The following LRRC8C variants were observed in gnomAD, a reference collection of about 807,000 sequenced individuals.
The protein encoded by LRRC8C is volume-regulated anion channel subunit LRRC8C.
LRRC8C carries 20 observed loss-of-function variants against 55.3 expected under a neutral mutation model. That is an observed-to-expected ratio of 0.36 (90% CI 0.25 to 0.53). The LOEUF (loss-of-function observed/expected upper bound fraction) is 0.53. LRRC8C is among the 20% of genes least tolerant of loss of function. The probability of loss-of-function intolerance (pLI) is 0.92; values close to 1 mark genes in which losing one functional copy is unlikely to be tolerated. For missense variants in LRRC8C, 659 were observed against 951.4 expected, an observed-to-expected ratio of 0.69 and a Z score of 4.04; for synonymous variants, 376 against 360.7, an observed-to-expected ratio of 1.04 and a Z score of -0.48.
At chr1:89,692,201 AT>A (rs1396522442) in intron 2 of LRRC8C, among the ~76,000 whole-genome samples, 1 of 152,182 alleles carries the variant, frequency 6.6e-6, no homozygotes, top group African/African-American at 2.4e-5. Flanking sequence ...GTTAAAATAT[AT>A]TTTTATGTCT....
intron 2 of LRRC8C, among the ~76,000 whole-genome samples, chr1:89,711,047 G>A (rs1658635207): frequency 6.6e-6 from 1 of 152,186 alleles, no homozygotes; most frequent in Admixed American, 6.5e-5. Context: ...ACGGTCAGCT[G>A]CATATTAAGC....
chr1:89,677,909 A>G (rs1375039252), intron 1 of LRRC8C, among the ~76,000 whole-genome samples: 4 of 152,202 alleles, frequency 2.6e-5, no homozygotes, highest in Admixed American at 6.5e-5. Context: ...GTAATTGGGA[A>G]ATTTTGCCTT....
chr1:89,620,455 G>A, the LRRC8C span, among the ~76,000 whole-genome samples: 1 of 152,036 alleles, frequency 6.6e-6, no homozygotes, highest in East Asian at 1.9e-4. Context: ...CAAAAAGGAA[G>A]TAAGAAATTA....
At chr1:89,616,584 A>G in the LRRC8C span, among the ~76,000 whole-genome samples, 7 of 152,192 alleles carry the variant, frequency 4.6e-5, no homozygotes, top group African/African-American at 1.7e-4. Flanking sequence ...TTGGTTCAGG[A>G]GCTGACTCTA....
intron 1 of LRRC8C, among the ~76,000 whole-genome samples, chr1:89,641,205 AC>A (rs147519476): frequency 0.022 from 3,320 of 152,274 alleles, 119 homozygotes; most frequent in African/African-American, 0.076. Context: ...TGTTAGAAAA[AC>A]TTTTTGGACA....
intron 2 of LRRC8C, among the ~76,000 whole-genome samples, chr1:89,687,388 G>A (rs562101524): frequency 1.3e-5 from 2 of 152,330 alleles, no homozygotes; most frequent in South Asian, 4.1e-4. Context: ...AAAGTAAGAG[G>A]ACACCAAGAG....
chr1:89,688,589 G>A (rs911759336), intron 2 of LRRC8C, among the ~76,000 whole-genome samples: 3 of 152,178 alleles, frequency 2.0e-5, no homozygotes, highest in Non-Finnish European at 4.4e-5. Flanking sequence ...CAGATGTCCT[G>A]GAAGGAGGCT....
chr1:89,646,106 A>C (rs1221921278), intron 1 of LRRC8C, among the ~76,000 whole-genome samples: 1 of 152,112 alleles, frequency 6.6e-6, no homozygotes, highest in Non-Finnish European at 1.5e-5. Flanking sequence ...TAGATTTAAG[A>C]ACAGAATAAA....
intron 2 of LRRC8C, among the ~76,000 whole-genome samples, chr1:89,700,783 A>G (rs556649566): frequency 7.2e-5 from 11 of 152,192 alleles, no homozygotes; most frequent in Non-Finnish European, 1.6e-4. Context: ...ACTGCCTTAT[A>G]TTGGCCACTT....
Position 89,716,275 on chromosome 1 carries a change from T to C in LRRC8C, c.*1293T>C, listed in dbSNP as rs569851633. 2.0e-4 allele frequency: 31 copies of C among 152,300 alleles called. No individual in the cohort carries two copies. Among genetic ancestry groups the C allele is most frequent in the African/African-American group, 7.2e-4 (30 of 41,570 alleles). The allele number at this position is 152,300 out of a possible 1,614,324, so 9.4% of individuals were successfully genotyped here. Reference sequence around the variant, plus strand: ...CAAGGATTTTGAACATCCTCAGATTTTGGTGTTCGAGGGCATCCTGGAATC... The same window carrying C: ...CAAGGATTTTGAACATCCTCAGATTCTGGTGTTCGAGGGCATCCTGGAATC... On this transcript the variant is annotated 3_prime_UTR_variant, in exon 3 of 3. Transcript: ENST00000370454.
Position 89,715,514 on chromosome 1 carries a change from A to G in LRRC8C, c.*532A>G, listed in dbSNP as rs1658793334. The G allele has an allele frequency of 6.6e-6, 1 of 152,198 alleles. No individual in the cohort carries two copies. Among genetic ancestry groups the G allele is most frequent in the South Asian group, 2.1e-4 (1 of 4,832 alleles). 9.4% of individuals were successfully genotyped at this position (152,198 alleles called of 1,614,324 possible). A position where few individuals can be genotyped will look rare whatever the true frequency, so the allele number is the denominator to read the frequency against. On this transcript the variant is annotated 3_prime_UTR_variant, in exon 3 of 3. Transcript: ENST00000370454. ...TATTTTAAATGTTCCCCTGCCTCCAACAAAACCCTAAACTGTGTTATTTCA... is the reference window on the plus strand; with the variant it reads ...TATTTTAAATGTTCCCCTGCCTCCAGCAAAACCCTAAACTGTGTTATTTCA...
At chr1:89,703,037 A>G (rs1049239271) in intron 2 of LRRC8C, among the ~76,000 whole-genome samples, 1 of 152,210 alleles carries the variant, frequency 6.6e-6, no homozygotes, top group South Asian at 2.1e-4. Flanking sequence ...AAATGGAAGA[A>G]AGGATGGAGC....
At chr1:89,671,063 A>AT (rs1039316383) in intron 1 of LRRC8C, among the ~76,000 whole-genome samples, 8 of 151,212 alleles carry the variant, frequency 5.3e-5, no homozygotes, top group African/African-American at 1.5e-4. Flanking sequence ...CTTTCTTTTT[A>AT]TTTTTTTGAG....
intron 1 of LRRC8C, among the ~76,000 whole-genome samples, chr1:89,657,090 G>C (rs1656966244): frequency 6.6e-6 from 1 of 152,144 alleles, no homozygotes; most frequent in Admixed American, 6.5e-5. Flanking sequence ...GGTGAGTAGA[G>C]ATGGCTTCCT....
At chr1:89,663,595 C>T (rs1239661924) in intron 1 of LRRC8C, among the ~76,000 whole-genome samples, 1 of 151,562 alleles carries the variant, frequency 6.6e-6, no homozygotes, top group Non-Finnish European at 1.5e-5. Context: ...AATACATGTG[C>T]ATGTGTCTTT....
intron 1 of LRRC8C, among the ~76,000 whole-genome samples, chr1:89,655,707 A>G (rs1656924593): frequency 6.6e-6 from 1 of 152,228 alleles, no homozygotes. Context: ...TCGACTCCCA[A>G]GATAACACTA....
At chr1:89,628,143 G>C (rs1047303115), upstream of LRRC8C, among the ~76,000 whole-genome samples, 12 of 152,110 alleles carry the variant, frequency 7.9e-5, no homozygotes, top group African/African-American at 2.9e-4. Context: ...TCTTGGGGTG[G>C]TAAAATAAAT....
intron 1 of LRRC8C, among the ~76,000 whole-genome samples, chr1:89,679,981 A>G (rs949986071): frequency 1.3e-5 from 2 of 152,238 alleles, no homozygotes; most frequent in Non-Finnish European, 2.9e-5. Flanking sequence ...AAGAAACACA[A>G]AAATTATCCT....
At chr1:89,632,888 G>T (rs1419036052), upstream of LRRC8C, 1 of 152,472 alleles carries the variant, frequency 6.6e-6, no homozygotes, top group East Asian at 1.9e-4. Context: ...TCCCTCGCTG[G>T]CGAGTCCCGG....
Sources: gnomAD v4.1 joint callset for allele counts (sites outside exome capture counted in the v4.1 genomes callset) on GRCh38, gnomAD v4.1.1 for gene constraint, MANE v1.5 for transcripts, NCBI Gene and HGNC (gene_info 2026-07-23, HGNC 2026-07-21) for gene names.